Variants in ACBD6 observed in about 807,000 individuals in gnomAD.
ACBD6 encodes the protein acyl-CoA-binding domain-containing protein 6.
A neutral mutation model predicts 37.2 loss-of-function variants in ACBD6; 28 were observed. That is an observed-to-expected ratio of 0.75 (90% CI 0.56 to 1.03). The LOEUF (loss-of-function observed/expected upper bound fraction) is 1.03, where lower values mean the gene tolerates loss of function less well. ACBD6 is among the 50% of genes least tolerant of loss of function. The pLI is 0.00. For missense variants in ACBD6, 340 were observed against 337.4 expected (o/e 1.01, Z -0.06); for synonymous variants, 113 against 126.8 (o/e 0.89, Z 0.73).
At chr1:180,442,891 AAAGT>A (rs1274553680) in intron 3 of ACBD6, among the ~76,000 whole-genome samples, 1 of 152,152 alleles carries the variant, frequency 6.6e-6, no homozygotes, top group Non-Finnish European at 1.5e-5. Context: ...ATATATTTGT[AAAGT>A]AAGTGTTTTC....
chr1:180,470,993 T>C (rs560493312), intron 3 of ACBD6, among the ~76,000 whole-genome samples: 1 of 152,352 alleles, frequency 6.6e-6, no homozygotes, highest in African/African-American at 2.4e-5. Flanking sequence ...TTCAGAACTT[T>C]TTGTATTAAC....
In ACBD6 at chr1:180,288,309, C is replaced by G; in HGVS notation, c.*54G>C. 1 of 1,610,956 alleles carries G rather than the reference C, an allele frequency of 6.2e-7. No homozygotes were observed. The highest frequency in any genetic ancestry group is 8.5e-7 in the Non-Finnish European group (1 of 1,178,676). On this transcript the variant is annotated 3_prime_UTR_variant, in exon 8 of 8. Transcript: ENST00000367595. ...AAAGAAGTATTATTTTTGTAGTTTTCTTTCATAATGGAAGCCTTATGCTAT... is the reference window on the plus strand; with the variant it reads ...AAAGAAGTATTATTTTTGTAGTTTTGTTTCATAATGGAAGCCTTATGCTAT...
At chr1:180,313,163 A>G (rs896802406) in intron 7 of ACBD6, among the ~76,000 whole-genome samples, 7 of 152,282 alleles carry the variant, frequency 4.6e-5, no homozygotes, top group African/African-American at 1.7e-4. Flanking sequence ...AAATATGTTG[A>G]TGGATTTCAT....
At chr1:180,330,436 AC>A (rs1651434434) in intron 6 of ACBD6, among the ~76,000 whole-genome samples, 1 of 151,990 alleles carries the variant, frequency 6.6e-6, no homozygotes. Flanking sequence ...AAACAAACAA[AC>A]AAACAAACAA....
intron 1 of ACBD6, among the ~76,000 whole-genome samples, chr1:180,497,079 C>A (rs189657624): frequency 5.6e-4 from 85 of 152,264 alleles, no homozygotes; most frequent in Non-Finnish European, 1.9e-4. Flanking sequence ...TCTGGACTCT[C>A]TAAAATCACA....
chr1:180,277,953 C>T (rs1225735669), intron 9 of ACBD6: 2 of 152,018 alleles, frequency 1.3e-5, no homozygotes, highest in Non-Finnish European at 2.9e-5. Flanking sequence ...ACTCACTTTG[C>T]AAGGAAGTGT....
At chr1:180,281,789 T>C (rs187041417) in intron 8 of ACBD6, among the ~76,000 whole-genome samples, 1 of 152,200 alleles carries the variant, frequency 6.6e-6, no homozygotes, top group African/African-American at 2.4e-5. Flanking sequence ...GTTTATAAAA[T>C]GGGGCCAAAT....
At chr1:180,452,807 T>C (rs1247338017) in intron 3 of ACBD6, among the ~76,000 whole-genome samples, 4 of 152,118 alleles carry the variant, frequency 2.6e-5, no homozygotes, top group African/African-American at 9.7e-5. Flanking sequence ...TAAACTAGAA[T>C]ATCTAGAAGA....
chr1:180,418,510 T>C (rs778681207), intron 4 of ACBD6, among the ~76,000 whole-genome samples: 2 of 151,980 alleles, frequency 1.3e-5, no homozygotes, highest in Non-Finnish European at 2.9e-5. Context: ...GCACAGGAGT[T>C]TGAGGTTACA....
At chr1:180,333,583 T>C (rs1047755543) in intron 6 of ACBD6, among the ~76,000 whole-genome samples, 6 of 152,252 alleles carry the variant, frequency 3.9e-5, no homozygotes, top group African/African-American at 1.4e-4. Context: ...CAGCTCCCAG[T>C]GTGAGCGACG....
intron 3 of ACBD6, among the ~76,000 whole-genome samples, chr1:180,449,497 C>A (rs1341487196): frequency 6.6e-6 from 1 of 151,292 alleles, no homozygotes; most frequent in East Asian, 1.9e-4. Context: ...GTAACCTCCA[C>A]CACAGGTTCA....
At chr1:180,389,630 T>C (rs1353281957) in intron 6 of ACBD6, among the ~76,000 whole-genome samples, 2 of 152,220 alleles carry the variant, frequency 1.3e-5, no homozygotes, top group African/African-American at 4.8e-5. Flanking sequence ...AGTGTAAAAG[T>C]GTTCCTATTT....
At chr1:180,362,907 C>T (rs141977315) in intron 6 of ACBD6, among the ~76,000 whole-genome samples, 1 of 152,302 alleles carries the variant, frequency 6.6e-6, no homozygotes, top group African/African-American at 2.4e-5. Flanking sequence ...GGCATAGAAC[C>T]TATGCTAATC....
chr1:180,368,092 T>C (rs1240340918), intron 6 of ACBD6, among the ~76,000 whole-genome samples: 2 of 152,208 alleles, frequency 1.3e-5, no homozygotes, highest in African/African-American at 4.8e-5. Context: ...TTCTGACTTG[T>C]GTGAGACGGT....
chr1:180,415,117 A>G (rs1437772928), intron 4 of ACBD6, among the ~76,000 whole-genome samples: 1 of 151,852 alleles, frequency 6.6e-6, no homozygotes, highest in East Asian at 1.9e-4. Context: ...AAAAACAAAC[A>G]AACAAAAAAA....
intron 3 of ACBD6, among the ~76,000 whole-genome samples, chr1:180,456,196 A>G (rs1571535163): frequency 6.9e-6 from 1 of 145,328 alleles, no homozygotes; most frequent in African/African-American, 2.7e-5. Flanking sequence ...TAGGCAACAG[A>G]GCGAGACACC....
At chr1:180,327,056 A>G (rs1651281285) in intron 6 of ACBD6, among the ~76,000 whole-genome samples, 1 of 152,098 alleles carries the variant, frequency 6.6e-6, no homozygotes, top group African/African-American at 2.4e-5. Flanking sequence ...GCCCTGGTCC[A>G]CTGTCTCTAA....
At chr1:180,455,475 C>A (rs1325822230) in intron 3 of ACBD6, among the ~76,000 whole-genome samples, 1 of 151,842 alleles carries the variant, frequency 6.6e-6, no homozygotes, top group East Asian at 1.9e-4. Context: ...ATGTATGTAA[C>A]AAACCTGCAC....
intron 6 of ACBD6, among the ~76,000 whole-genome samples, chr1:180,341,676 T>C (rs890150814): frequency 3.3e-5 from 5 of 152,162 alleles, no homozygotes; most frequent in Non-Finnish European, 2.9e-5. Context: ...TTGAATCAGA[T>C]GTTCACTTCC....
Sources: gnomAD v4.1 joint callset for allele counts (sites outside exome capture counted in the v4.1 genomes callset) on GRCh38, gnomAD v4.1.1 for gene constraint, MANE v1.5 for transcripts, NCBI Gene and HGNC (gene_info 2026-07-23, HGNC 2026-07-21) for gene names.